Variants in RASGRP2 observed in about 807,000 individuals in gnomAD.
RASGRP2 encodes RAS guanyl-releasing protein 2.
Under a neutral mutation model 71.0 loss-of-function variants are expected in RASGRP2, and 44 were observed. That is an observed-to-expected ratio of 0.62 (90% CI 0.49 to 0.80). RASGRP2 has a LOEUF of 0.80. RASGRP2 is among the 30% of genes least tolerant of loss of function. RASGRP2 has a pLI of 0.00. For synonymous variants in RASGRP2, 350 were observed against 330.7 expected (o/e 1.06, Z -0.63); for missense variants, 663 against 813.4 (o/e 0.82, Z 2.25).
chr11:64,730,131 C>G lies in RASGRP2; in HGVS notation c.1476G>C (p.Gly492=). Residue 492 remains glycine (G), a synonymous_variant, in exon 13 of 17, where the codon GGG becomes GGC. Coordinates refer to ENST00000394432, the MANE Select transcript of RASGRP2 (RefSeq NM_001098671.2). ...AGTTGTGTACGAAGCCCATGCGCCC[C>G]CCCAACACAGAGCTGGAGCGCAGGA... The part of the protein sequence containing the change: ...SYFLRSSSVL[G]GRMGFVHNFQ... 6.4e-7 allele frequency: 1 copy of G among 1,551,432 alleles called. No homozygotes were observed.
rs2058189417 is a variant in RASGRP2 at position 64,743,043 on chromosome 11, G to A, written c.-71-106C>T. On this transcript the variant is annotated intron_variant, in intron 1 of 16. Transcript: ENST00000394432. This position sits in a 1 kb window ranked among gnomAD's most constrained non-coding sequence, Gnocchi z 4.9. ...GGCACGCCCCCTGCTGGACAGGGGC[G>A]GAGTTGTCCCCCGCGGCCACTCCCG... The A allele has an allele frequency of 1.6e-6, 2 of 1,287,514 alleles. No homozygotes were observed. Among genetic ancestry groups the A allele is most frequent in the Non-Finnish European group, 2.2e-6 (2 of 924,050 alleles). 79.8% of individuals were successfully genotyped at this position (1,287,514 alleles called of 1,614,324 possible). A position where few individuals can be genotyped will look rare whatever the true frequency, so the allele number is the denominator to read the frequency against.
At position 64,742,730 on chromosome 11, in the gene RASGRP2, G is replaced by T. The variant is rs563405184; in HGVS notation, c.73+64C>A. The T allele has an allele frequency of 3.5e-5, 55 of 1,554,564 alleles. No homozygotes were observed. In the East Asian group the frequency reaches 1.1e-3, roughly 32 times the overall value. On this transcript the variant is annotated intron_variant, in intron 2 of 16. Coordinates refer to ENST00000394432, the MANE Select transcript of RASGRP2 (RefSeq NM_001098671.2). This position sits in a 1 kb window ranked among gnomAD's most constrained non-coding sequence, Gnocchi z 4.7. Reference sequence around the variant, plus strand: ...CTGTGCCCTGGACTGTGCCTGGGAGGCAGGGACCCGGGCTCAGACTCGGGG... The same window carrying T: ...CTGTGCCCTGGACTGTGCCTGGGAGTCAGGGACCCGGGCTCAGACTCGGGG...
In RASGRP2 at chr11:64,737,017, C is replaced by T. The variant is rs751592920; in HGVS notation, c.831G>A (p.Thr277=). The part of the protein sequence containing the change: ...PETIKLWEGL[T]ELVTATGNYG... ...AGTTGCCTGTCGCCGTCACTAGTTC[C>T]GTGAGACCCTCCCAGAGCTGGGGAC... Residue 277 remains threonine, a synonymous_variant, in exon 9 of 17, where the codon ACG becomes ACA. Transcript: ENST00000394432. The T allele has an allele frequency of 1.3e-5, 21 of 1,613,852 alleles. No individual in the cohort carries two copies. The highest frequency in any genetic ancestry group is 3.3e-4 in the Middle Eastern group (2 of 6,062).
chr11:64,743,862 C>A lies in RASGRP2; in HGVS notation c.-72+141G>T. On this transcript the variant is annotated intron_variant, in intron 1 of 16. Transcript: ENST00000394432. The surrounding 1 kb of genome is among the most constrained non-coding windows in gnomAD (Gnocchi z 4.9). Reference sequence around the variant, plus strand: ...CACACCCAAGTTATTCGTCGGAGGCCGGGGACCTAAGTGGAGGTGCAGGCG... The same window carrying A: ...CACACCCAAGTTATTCGTCGGAGGCAGGGGACCTAAGTGGAGGTGCAGGCG... The A allele has an allele frequency of 2.2e-6, 1 of 446,044 alleles. No homozygotes were observed. The highest frequency in any genetic ancestry group is 3.1e-6 in the Non-Finnish European group (1 of 319,956). 27.6% of individuals were successfully genotyped at this position (446,044 alleles called of 1,614,324 possible). A position where few individuals can be genotyped will look rare whatever the true frequency, so the allele number is the denominator to read the frequency against.
intron 5 of RASGRP2, 38 bp downstream of exon 5, chr11:64,740,910 T>G: frequency 6.2e-7 from 1 of 1,611,558 alleles, no homozygotes; most frequent in South Asian, 1.1e-5. Context: ...TATAGGATAC[T>G]GAGTGCCCCC....
At chr11:64,744,174 T>C, upstream of RASGRP2, 2 of 986,326 alleles carry the variant, frequency 2.0e-6, no homozygotes, top group Non-Finnish European at 2.4e-6. Flanking sequence ...CCCACACACA[T>C]GCACACACCC....
At position 64,743,013 on chromosome 11, in the gene RASGRP2, G is replaced by T; in HGVS notation, c.-71-76C>A. The T allele has an allele frequency of 1.4e-6, 2 of 1,421,004 alleles. No homozygotes were observed. The highest frequency in any genetic ancestry group is 1.9e-6 in the Non-Finnish European group (2 of 1,052,808). The allele number at this position is 1,421,004 out of a possible 1,614,324, so 88.0% of individuals were successfully genotyped here. ...CGGCCCCGCGGGCAGAAACGGGGCG[G>T]GGCGGGCACGCCCCCTGCTGGACAG... is the stretch of plus-strand genomic sequence containing the variant. On this transcript the variant is annotated intron_variant, in intron 1 of 16. Transcript: ENST00000394432. The surrounding 1 kb of genome is among the most constrained non-coding windows in gnomAD (Gnocchi z 4.9).
In RASGRP2 at chr11:64,735,534, G is replaced by A. The variant is rs756870459; in HGVS notation, c.1296+8C>T. 5 of 1,613,996 alleles carry A rather than the reference G, an allele frequency of 3.1e-6. No homozygotes were observed. The South Asian group carries it at 3.3e-5, about 11-fold the overall frequency. On this transcript the variant is annotated splice_region_variant and intron_variant, in intron 11 of 16. Coordinates refer to ENST00000394432, the MANE Select transcript of RASGRP2 (RefSeq NM_001098671.2). This position sits in a 1 kb window ranked among gnomAD's most constrained non-coding sequence, Gnocchi z 4.2. ...CCCACACACTGCTCAGGCTCCGCAG[G>A]AGCTCACCTCCACCATCTTCTCGAT...
At position 64,735,492 on chromosome 11, in the gene RASGRP2, C is replaced by T. The variant is rs761946373; in HGVS notation, c.1296+50G>A. The T allele has an allele frequency of 1.1e-5, 17 of 1,612,106 alleles. 1 individual carries two copies. The highest frequency in any genetic ancestry group is 3.3e-4 in the Middle Eastern group (2 of 6,084). ...CGTGCTGGCTTCCAGGGCAGTGCTC[C>T]GGCAAACTGGCCTCTCCCCACACAC... On this transcript the variant is annotated intron_variant, in intron 11 of 16. Transcript: ENST00000394432. The surrounding 1 kb of genome is among the most constrained non-coding windows in gnomAD (Gnocchi z 4.2).
rs1253508130 is a variant in RASGRP2, at chr11:64,728,967, C to T, written c.1667G>A (p.Ser556Asn). ...VECRRRAQSVSLEGSAPSPSP... is the reference protein window; with the variant it reads ...VECRRRAQSVNLEGSAPSPSP... Reference sequence around the variant, plus strand: ...GGGTGAGGGTGCAGACCCCTCCAGGCTCACACTCTGGGCCCTGCGCCGACA... The same window carrying T: ...GGGTGAGGGTGCAGACCCCTCCAGGTTCACACTCTGGGCCCTGCGCCGACA... Residue 556 changes from serine to asparagine, a missense_variant, in exon 15 of 17, where the codon AGC (serine) becomes AAC (asparagine). Coordinates refer to ENST00000394432, the MANE Select transcript of RASGRP2 (RefSeq NM_001098671.2). 1.2e-6 allele frequency: 2 copies of T among 1,611,684 alleles called. No individual in the cohort carries two copies. Among genetic ancestry groups the T allele is most frequent in the Non-Finnish European group, 1.7e-6 (2 of 1,179,726 alleles).
intron 3 of RASGRP2, among the ~76,000 whole-genome samples, chr11:64,741,778 G>C (rs2135794353): frequency 6.6e-6 from 1 of 152,314 alleles, no homozygotes; most frequent in South Asian, 2.1e-4. Context: ...AGACTCTAGG[G>C]AGAAGGAGGG....
intron 8 of RASGRP2, among the ~76,000 whole-genome samples, chr11:64,738,092 T>C (rs2135772696): frequency 6.6e-6 from 1 of 152,202 alleles, no homozygotes; most frequent in Non-Finnish European, 1.5e-5. Context: ...AATAAAATAT[T>C]ATATGGCAAT....
Position 64,739,986 on chromosome 11 carries a change from CCT to C in RASGRP2, c.522+25_522+26del, listed in dbSNP as rs771974555. 56 of 1,613,852 alleles carry C rather than the reference CCT, an allele frequency of 3.5e-5. No homozygotes were observed. The highest frequency in any genetic ancestry group is 4.2e-5 in the Non-Finnish European group (49 of 1,180,006). ...ACTCTCTTCCAGCCCACATTGGACC[CCT>C]GACCCCCCAGCCCTCGGGCCGCACC... On this transcript the variant is annotated intron_variant, in intron 6 of 16. Transcript: ENST00000394432. This position sits in a 1 kb window ranked among gnomAD's most constrained non-coding sequence, Gnocchi z 4.2.
chr11:64,744,555 T>C (rs1034836892), upstream of RASGRP2: 1 of 152,222 alleles, frequency 6.6e-6, no homozygotes, highest in Non-Finnish European at 1.5e-5. Context: ...ACCGTGGAGG[T>C]CCTCCGCCCT....
In RASGRP2 at chr11:64,735,946, A is replaced by G; in HGVS notation, c.1130T>C (p.Leu377Pro). Residue 377 changes from leucine (L) to proline (P), a missense_variant, in exon 10 of 17, where the codon CTG (leucine) becomes CCG (proline). Transcript: ENST00000394432. This position sits in a 1 kb window ranked among gnomAD's most constrained non-coding sequence, Gnocchi z 4.2. ...CTCCCGCTGCAGGGACAGCTGGTAC[A>G]GCTCATCCTCCGTCTGATACTGATC... ...SLDQYQTEDELYQLSLQREPR... is the reference protein window; with the variant it reads ...SLDQYQTEDEPYQLSLQREPR... 2 of 1,614,048 alleles carry G rather than the reference A, an allele frequency of 1.2e-6. No individual in the cohort carries two copies. Among genetic ancestry groups the G allele is most frequent in the Non-Finnish European group, 1.7e-6 (2 of 1,179,976 alleles).
chr11:64,728,805 GC>G, intron 15 of RASGRP2, 57 bp downstream of exon 15: 4 of 1,469,390 alleles, frequency 2.7e-6, no homozygotes, highest in Admixed American at 1.9e-5. Context: ...TGCGTTCTTT[GC>G]CCCAGTAGCC....
Position 64,742,047 on chromosome 11 carries a change from T to G in RASGRP2, c.139A>C (p.Ile47Leu), listed in dbSNP as rs1285351081. The change falls in exon 3 of 17, where the codon ATC (isoleucine) becomes CTC (leucine). Residue 47 changes from isoleucine (I) to leucine (L), a missense_variant. Ile to Leu is a conservative substitution (Grantham distance 5). Transcript: ENST00000394432. The surrounding 1 kb of genome is among the most constrained non-coding windows in gnomAD (Gnocchi z 4.7). ...TTGGCCGCCAGCTGAGAGGAGGGGA[T>G]GTACCAGGGGTGCATCATGAGGAAC... The part of the protein sequence containing the change: ...RMFLMMHPWY[I>L]PSSQLAAKLL... 6.2e-7 allele frequency: 1 copy of G among 1,611,854 alleles called. No individual in the cohort carries two copies.
At chr11:64,729,963 G>C (rs937257501) in intron 13 of RASGRP2, 90 bp downstream of exon 13, 9 of 1,528,778 alleles carry the variant, frequency 5.9e-6, no homozygotes, top group Non-Finnish European at 8.0e-6. Context: ...GGCTTGAGAA[G>C]GGCTCTGGCA....
intron 13 of RASGRP2, 89 bp downstream of exon 13, chr11:64,729,964 G>C: frequency 6.5e-7 from 1 of 1,527,808 alleles, no homozygotes; most frequent in Non-Finnish European, 8.9e-7. Flanking sequence ...GCTTGAGAAG[G>C]GCTCTGGCAG....
Sources: gnomAD v4.1 joint callset for allele counts (sites outside exome capture counted in the v4.1 genomes callset) on GRCh38, gnomAD v4.1.1 for gene constraint, Gnocchi (gnomAD v3.1) non-coding constraint, MANE v1.5 for transcripts, NCBI Gene and HGNC (gene_info 2026-07-23, HGNC 2026-07-21) for gene names.